Variants in PRRC2B observed in about 807,000 individuals in gnomAD.
The protein encoded by PRRC2B is proline rich coiled-coil 2B.
In PRRC2B, 68 loss-of-function variants were observed where a neutral mutation model predicts 242.3. That is an observed-to-expected ratio of 0.28 (90% CI 0.23 to 0.34). The LOEUF is 0.34. PRRC2B is among the 10% of genes least tolerant of loss of function. The pLI is 1.00. For synonymous variants in PRRC2B, 1,228 were observed against 1,173.6 expected (o/e 1.05, Z -0.95); for missense variants, 2,835 against 2,954.8 (o/e 0.96, Z 0.94).
intron 10 of PRRC2B, among the ~76,000 whole-genome samples, chr9:131,456,184 A>T (rs1943069089): frequency 6.8e-6 from 1 of 147,100 alleles, no homozygotes. Context: ...GCTTTCCTGA[A>T]TTTATTTGAC....
Position 131,473,672 on chromosome 9 carries a change from C to T in PRRC2B, c.2272C>T (p.Pro758Ser), listed in dbSNP as rs760839619. The change falls in exon 15 of 32, where the codon CCG (proline) becomes TCG (serine). Residue 758 changes from proline (P) to serine (S), a missense_variant. Pro to Ser is a moderately conservative substitution (Grantham distance 74). Coordinates refer to ENST00000683519, the MANE Select transcript of PRRC2B (RefSeq NM_013318.4). ...CATGGCACTGCAGAGCAAGGGCTAC[C>T]CGCTCCCGCACCCGAAGTCGAGTGA... ...GYMALQSKGY[P>S]LPHPKSSDTL... is the part of the protein sequence containing the mutation. The T allele has an allele frequency of 5.6e-6, 9 of 1,613,648 alleles. No individual in the cohort carries two copies. The East Asian group carries it at 1.3e-4, about 24-fold the overall frequency.
At chr9:131,384,187 G>A (rs112281691) in intron 1 of PRRC2B, among the ~76,000 whole-genome samples, 114 of 146,150 alleles carry the variant, frequency 7.8e-4, no homozygotes, top group African/African-American at 2.8e-3. Context: ...TCTGCCTCCC[G>A]TGCTCAAGCG....
chr9:131,392,346 C>T (rs1836913158), upstream of PRRC2B, among the ~76,000 whole-genome samples: 1 of 152,124 alleles, frequency 6.6e-6, no homozygotes, highest in African/African-American at 2.4e-5. Flanking sequence ...ATCCACCTGC[C>T]TCGACCTACC....
chr9:131,393,521 A>G (rs1259611848), upstream of PRRC2B, among the ~76,000 whole-genome samples: 1 of 152,254 alleles, frequency 6.6e-6, no homozygotes, highest in African/African-American at 2.4e-5. Flanking sequence ...CAAAGTACCC[A>G]TATTGTGCAA....
chr9:131,414,107 G>T (rs1837578132), intron 1 of PRRC2B, among the ~76,000 whole-genome samples: 1 of 152,162 alleles, frequency 6.6e-6, no homozygotes, highest in African/African-American at 2.4e-5. Flanking sequence ...GGAGGGAACA[G>T]TCTTCAAACA....
chr9:131,436,504 G>T, intron 3 of PRRC2B, 116 bp from the exon 4 acceptor site: 1 of 706,066 alleles, frequency 1.4e-6, no homozygotes, highest in Non-Finnish European at 2.4e-6. Context: ...TATTTTTATT[G>T]GCCAGAGGAG....
intron 1 of PRRC2B, among the ~76,000 whole-genome samples, chr9:131,406,395 G>A (rs767224385): frequency 6.6e-5 from 10 of 152,144 alleles, no homozygotes; most frequent in Non-Finnish European, 1.2e-4. Context: ...GTTGTGTTGT[G>A]TTCTTGGGGA....
chr9:131,481,622 G>A (rs1943871133), intron 19 of PRRC2B, 104 bp from the exon 20 acceptor site: 1 of 929,816 alleles, frequency 1.1e-6, no homozygotes, highest in Non-Finnish European at 1.7e-6. Flanking sequence ...AGGCAGGGGA[G>A]TTGGATTTCT....
chr9:131,480,414 A>G (rs1943824173), intron 19 of PRRC2B, among the ~76,000 whole-genome samples: 1 of 152,180 alleles, frequency 6.6e-6, no homozygotes. Flanking sequence ...GTGTCATAGT[A>G]TTGGTGTCCA....
At chr9:131,486,056 C>T (rs1202583752) in intron 25 of PRRC2B, 29 bp from the exon 26 acceptor site, 6 of 1,456,220 alleles carry the variant, frequency 4.1e-6, no homozygotes, top group Non-Finnish European at 5.7e-6. Context: ...TGATCCTCTT[C>T]TACGTCCCTT....
intron 1 of PRRC2B, among the ~76,000 whole-genome samples, chr9:131,387,366 C>T (rs1010283460): frequency 6.8e-5 from 10 of 146,146 alleles, no homozygotes; most frequent in Non-Finnish European, 9.1e-5. Context: ...TGGATTGTGC[C>T]CACCAGATTA....
chr9:131,392,388 C>T (rs777035910), upstream of PRRC2B, among the ~76,000 whole-genome samples: 11 of 152,112 alleles, frequency 7.2e-5, no homozygotes, highest in East Asian at 1.9e-4. Flanking sequence ...TTAGCCACTG[C>T]GCCAGCCTTA....
chr9:131,415,155 A>C (rs1434316049), intron 1 of PRRC2B, among the ~76,000 whole-genome samples: 1 of 151,412 alleles, frequency 6.6e-6, no homozygotes, highest in Non-Finnish European at 1.5e-5. Flanking sequence ...CATCACGCCC[A>C]GCTAATTTTT....
intron 1 of PRRC2B, among the ~76,000 whole-genome samples, chr9:131,398,673 G>T (rs1837135959): frequency 1.3e-5 from 2 of 152,136 alleles, no homozygotes; most frequent in Admixed American, 1.3e-4. Context: ...ATTGTACAAG[G>T]CCCTTTAAAT....
chr9:131,492,440 GGAGTGAGGAGTCAGGA>G (rs1218547424), intron 30 of PRRC2B, among the ~76,000 whole-genome samples, 180 bp downstream of exon 30: 3 of 152,182 alleles, frequency 2.0e-5, no homozygotes, highest in Non-Finnish European at 1.5e-5. Flanking sequence ...TAAATTTGGG[GGAGTGAGGAGTCAGGA>G]GAGTGGTTTT....
intron 1 of PRRC2B, among the ~76,000 whole-genome samples, chr9:131,413,343 G>A (rs1437612973): frequency 2.0e-5 from 3 of 152,186 alleles, no homozygotes; most frequent in South Asian, 2.1e-4. Flanking sequence ...GAAACTGAAC[G>A]CAGTAGGGTG....
intron 1 of PRRC2B, among the ~76,000 whole-genome samples, chr9:131,410,389 A>C (rs1487342427): frequency 1.3e-5 from 2 of 152,172 alleles, no homozygotes; most frequent in African/African-American, 4.8e-5. Context: ...CCTGCACTTC[A>C]CATTCACCTC....
At position 131,495,998 on chromosome 9, in the gene PRRC2B, C is replaced by A; in HGVS notation, c.*124C>A. 1 of 1,317,862 alleles carries A rather than the reference C, an allele frequency of 7.6e-7. No homozygotes were observed. The highest frequency in any genetic ancestry group is 1.0e-6 in the Non-Finnish European group (1 of 969,908). 81.6% of individuals were successfully genotyped at this position (1,317,862 alleles called of 1,614,324 possible). A position where few individuals can be genotyped will look rare whatever the true frequency, so the allele number is the denominator to read the frequency against. On this transcript the variant is annotated 3_prime_UTR_variant, in exon 32 of 32. Coordinates refer to ENST00000683519, the MANE Select transcript of PRRC2B (RefSeq NM_013318.4). ...CAAATGCGTGGCCCAGACTGAGAGA[C>A]CTCCCTCCTCTCCACTCCCGAAAGC...
At chr9:131,424,497 G>A (rs1207004286) in intron 1 of PRRC2B, among the ~76,000 whole-genome samples, 1 of 152,048 alleles carries the variant, frequency 6.6e-6, no homozygotes, top group African/African-American at 2.4e-5. Flanking sequence ...GACAAGCCTG[G>A]CCAACATGGT....
Sources: allele counts gnomAD v4.1 joint callset (sites outside exome capture counted in the v4.1 genomes callset), GRCh38; gene constraint gnomAD v4.1.1; transcripts MANE v1.5; gene names NCBI Gene and HGNC (gene_info 2026-07-23, HGNC 2026-07-21).